The following FOXP2 variants were observed in gnomAD, a reference collection of about 807,000 sequenced individuals.
FOXP2 encodes the protein forkhead box P2.
A neutral mutation model predicts 115.8 loss-of-function variants in FOXP2; 12 were observed. The observed-to-expected ratio is 0.10, with a 90% CI of 0.07 to 0.17. The LOEUF is 0.17. Ranked by LOEUF, FOXP2 falls within the 10% of genes least tolerant of loss-of-function variation. FOXP2 has a pLI of 1.00. For synonymous variants in FOXP2, 328 were observed against 297.7 expected (o/e 1.10, Z -1.05); for missense variants, 629 against 843.5 (o/e 0.75, Z 3.15).
At chr7:114,680,541 A>G (rs2070275972) in intron 16 of FOXP2, among the ~76,000 whole-genome samples, 1 of 152,176 alleles carries the variant, frequency 6.6e-6, no homozygotes, top group Non-Finnish European at 1.5e-5. Flanking sequence ...TAATAATACA[A>G]GTACTTGGCA....
chr7:114,331,660 CTT>C (rs112494928), intron 2 of FOXP2, among the ~76,000 whole-genome samples: 3 of 143,046 alleles, frequency 2.1e-5, no homozygotes, highest in African/African-American at 5.1e-5. Flanking sequence ...CTGACATTTT[CTT>C]TTTTTTTTTT....
At chr7:114,663,764 A>G (rs1807014511) in intron 15 of FOXP2, among the ~76,000 whole-genome samples, 1 of 152,150 alleles carries the variant, frequency 6.6e-6, no homozygotes, top group Non-Finnish European at 1.5e-5. Context: ...CTAGATTGAT[A>G]GAAGCTTTTG....
chr7:114,569,780 C>A (rs1408102716), intron 3 of FOXP2, among the ~76,000 whole-genome samples: 1 of 151,878 alleles, frequency 6.6e-6, no homozygotes, highest in East Asian at 1.9e-4. Flanking sequence ...GGCATGTAGT[C>A]ATGTAAAGCA....
chr7:114,089,219 A>C (rs1276596873), intron 1 of FOXP2, among the ~76,000 whole-genome samples: 1 of 152,152 alleles, frequency 6.6e-6, no homozygotes. Context: ...TAACTTTGAA[A>C]GAGGAGACTA....
chr7:114,435,684 C>T (rs1230498464), intron 2 of FOXP2, among the ~76,000 whole-genome samples: 6 of 152,188 alleles, frequency 3.9e-5, no homozygotes, highest in East Asian at 3.9e-4. Context: ...ATTACAGGCA[C>T]GTACCACCAT....
chr7:114,544,941 T>G (rs1160339687), intron 3 of FOXP2, among the ~76,000 whole-genome samples: 1 of 152,182 alleles, frequency 6.6e-6, no homozygotes, highest in East Asian at 1.9e-4. Flanking sequence ...ATACAATTCA[T>G]TTTCAAGTCT....
At chr7:114,222,014 C>T (rs1794636311) in intron 1 of FOXP2, among the ~76,000 whole-genome samples, 2 of 152,126 alleles carry the variant, frequency 1.3e-5, no homozygotes, top group East Asian at 1.9e-4. Context: ...GGAGATACAC[C>T]TGCTTACCCA....
chr7:114,152,616 G>A (rs1312570065), intron 1 of FOXP2, among the ~76,000 whole-genome samples: 1 of 152,162 alleles, frequency 6.6e-6, no homozygotes, highest in Non-Finnish European at 1.5e-5. Context: ...TCGCCTACAT[G>A]AAATGAAATC....
intron 3 of FOXP2, among the ~76,000 whole-genome samples, chr7:114,540,234 CA>C (rs1799588266): frequency 6.6e-6 from 1 of 151,794 alleles, no homozygotes; most frequent in Admixed American, 6.6e-5. Context: ...TATAGGCTCC[CA>C]CCACATATAC....
At chr7:114,689,180 A>G (rs539144263) in intron 16 of FOXP2, among the ~76,000 whole-genome samples, 3 of 152,306 alleles carry the variant, frequency 2.0e-5, no homozygotes, top group African/African-American at 7.2e-5. Flanking sequence ...TACATAATGT[A>G]TGTACACACA....
At chr7:114,161,654 G>GCATATATATATATATA (rs1554424363), upstream of FOXP2, among the ~76,000 whole-genome samples, 13 of 151,552 alleles carry the variant, frequency 8.6e-5, no homozygotes, top group African/African-American at 2.9e-4. Flanking sequence ...GTGTGTGCGT[G>GCATATATATATATATA]TATATATATA....
At chr7:114,635,305 A>C (rs567508229) in intron 6 of FOXP2, among the ~76,000 whole-genome samples, 1 of 152,258 alleles carries the variant, frequency 6.6e-6, no homozygotes, top group East Asian at 1.9e-4. Context: ...TGATCTTGTG[A>C]TTGCATAGAT....
intron 3 of FOXP2, among the ~76,000 whole-genome samples, chr7:114,593,838 T>A (rs1034990110): frequency 2.2e-4 from 34 of 152,128 alleles, no homozygotes; most frequent in African/African-American, 8.2e-4. Flanking sequence ...ATGCTTCATT[T>A]TATATATATG....
At chr7:114,310,505 G>C (rs1276666526) in intron 2 of FOXP2, among the ~76,000 whole-genome samples, 1 of 151,052 alleles carries the variant, frequency 6.6e-6, no homozygotes, top group Admixed American at 6.6e-5. Context: ...TAGCAGATTA[G>C]CTGTCTTTTT....
chr7:114,323,661 A>G (rs183504261), intron 2 of FOXP2, among the ~76,000 whole-genome samples: 50 of 152,154 alleles, frequency 3.3e-4, no homozygotes, highest in Non-Finnish European at 5.5e-4. Flanking sequence ...CCTATAGATT[A>G]GCCATTTGAA....
At chr7:114,107,641 A>G (rs976286359) in intron 1 of FOXP2, among the ~76,000 whole-genome samples, 3 of 151,984 alleles carry the variant, frequency 2.0e-5, no homozygotes, top group African/African-American at 7.2e-5. Flanking sequence ...CAAGTGATAC[A>G]TATTCTTTAG....
At chr7:114,574,056 T>C (rs1801452911) in intron 3 of FOXP2, among the ~76,000 whole-genome samples, 1 of 151,796 alleles carries the variant, frequency 6.6e-6, no homozygotes. Context: ...CTCTATTACA[T>C]TGTTGAACAG....
At chr7:114,413,016 G>A (rs1202201324), upstream of FOXP2, among the ~76,000 whole-genome samples, 2 of 152,088 alleles carry the variant, frequency 1.3e-5, no homozygotes, top group Non-Finnish European at 2.9e-5. Flanking sequence ...GTAAAAATGA[G>A]TGTAAGCTTT....
At chr7:114,410,098 G>A (rs549809577), upstream of FOXP2, among the ~76,000 whole-genome samples, 2 of 152,106 alleles carry the variant, frequency 1.3e-5, no homozygotes, top group African/African-American at 2.4e-5. Context: ...TGGGATCTTC[G>A]CCATATAGAC....
Sources: gnomAD v4.1 joint callset for allele counts (sites outside exome capture counted in the v4.1 genomes callset) on GRCh38, gnomAD v4.1.1 for gene constraint, MANE v1.5 for transcripts, NCBI Gene and HGNC (gene_info 2026-07-23, HGNC 2026-07-21) for gene names.